Variants in ZNF385B observed in about 807,000 individuals in gnomAD.
The protein encoded by ZNF385B is zinc finger protein 533.
A neutral mutation model predicts 39.2 loss-of-function variants in ZNF385B; 23 were observed. The ratio of observed to expected loss-of-function variants is 0.59; its 90% CI spans 0.42 to 0.83. The LOEUF (loss-of-function observed/expected upper bound fraction) is 0.83, where lower values mean the gene tolerates loss of function less well. Among genes scored for constraint, ZNF385B ranks in the 40% least tolerant of loss-of-function variants. The probability of loss-of-function intolerance (pLI) is 0.00; values close to 1 mark genes in which losing one functional copy is unlikely to be tolerated. For missense variants in ZNF385B, 552 were observed against 598.9 expected (o/e 0.92, Z 0.82); for synonymous variants, 205 against 222.6 (o/e 0.92, Z 0.70).
chr2:179,752,278 G>A (rs891681986), intron 3 of ZNF385B, among the ~76,000 whole-genome samples: 1 of 152,120 alleles, frequency 6.6e-6, no homozygotes, highest in Non-Finnish European at 1.5e-5. Flanking sequence ...CATTTTTTAT[G>A]GCTGCATAGT....
At position 179,556,322 on chromosome 2, in the gene ZNF385B, A is replaced by G. The variant is rs79936638; in HGVS notation, c.299-11353T>C. ...GCGTTGAAAAGTATGAGAATTTAAG[A>G]ATTTAAATAAATTTATGGGGTTAAA... On this transcript the variant is annotated intron_variant, in intron 3 of 9. Coordinates refer to ENST00000410066, the MANE Select transcript of ZNF385B (RefSeq NM_152520.6). Among the ~76,000 whole-genome samples, 491 of 149,908 alleles carry G rather than the reference A, an allele frequency of 3.3e-3. 16 individuals are homozygous for G. In the East Asian group the frequency reaches 0.06, roughly 18 times the overall value.
intron 3 of ZNF385B, among the ~76,000 whole-genome samples, chr2:179,725,586 A>G (rs1700954752): frequency 6.6e-6 from 1 of 151,450 alleles, no homozygotes; most frequent in Non-Finnish European, 1.5e-5. Context: ...TTTGATATGT[A>G]TTCATAATGT....
At chr2:179,815,723 T>G (rs1234649354) in intron 1 of ZNF385B, among the ~76,000 whole-genome samples, 4 of 152,210 alleles carry the variant, frequency 2.6e-5, no homozygotes, top group Non-Finnish European at 5.9e-5. Context: ...CAGTGGTCAA[T>G]TCACAGTCCT....
intron 1 of ZNF385B, among the ~76,000 whole-genome samples, chr2:179,822,292 T>C (rs748858509): frequency 7.9e-5 from 12 of 152,248 alleles, no homozygotes; most frequent in Non-Finnish European, 1.5e-4. Context: ...TTTCTTAAAT[T>C]AGCAGAGCTT....
At chr2:179,512,069 AATTACTTGTGGTATTAATGCT>A (rs1161365868) in intron 5 of ZNF385B, among the ~76,000 whole-genome samples, 1 of 152,136 alleles carries the variant, frequency 6.6e-6, no homozygotes, top group African/African-American at 2.4e-5. Context: ...TCTCATGCTT[AATTACTTGTGGTATTAATGCT>A]GAGTACCAAA....
rs2059832112 is a variant in ZNF385B at position 179,540,275 on chromosome 2, C to T, written c.441+4552G>A. 2.6e-5 allele frequency among the ~76,000 whole-genome samples: 4 copies of T among 152,152 alleles called. No homozygotes were observed. The South Asian group carries it at 8.3e-4, about 32-fold the overall frequency. ...CAGCCTGACCAACATGGAGAAACCC[C>T]ATCTCTACTAAAAATACAAGATTAG... On this transcript the variant is annotated intron_variant, in intron 4 of 9. Transcript: ENST00000410066.
intron 1 of ZNF385B, among the ~76,000 whole-genome samples, chr2:179,776,786 G>A (rs557260410): frequency 2.6e-4 from 39 of 152,252 alleles, no homozygotes; most frequent in African/African-American, 7.9e-4. Context: ...TGTTCAGGGC[G>A]GGAAAACTGA....
chr2:179,496,844 T>A (rs2056268585), intron 5 of ZNF385B, among the ~76,000 whole-genome samples: 1 of 152,186 alleles, frequency 6.6e-6, no homozygotes. Context: ...AGGCCAGGTG[T>A]TCGAGACCAG....
chr2:179,718,347 T>C (rs755967062), intron 3 of ZNF385B, among the ~76,000 whole-genome samples: 2 of 148,420 alleles, frequency 1.3e-5, no homozygotes, highest in Non-Finnish European at 3.0e-5. Context: ...AAGATATATA[T>C]ATAATCATTT....
Position 179,442,962 on chromosome 2 carries a change from A to G in ZNF385B, c.*288T>C, listed in dbSNP as rs866452185. 3 of 510,726 alleles carry G rather than the reference A, an allele frequency of 5.9e-6. No individual in the cohort carries two copies. The highest frequency in any genetic ancestry group is 3.9e-5 in the African/African-American group (2 of 51,862). 31.6% of individuals were successfully genotyped at this position (510,726 alleles called of 1,614,324 possible). The stretch of plus-strand genomic sequence containing the variant: ...CTTTCTTTTTCTTTCTGACCAATAC[A>G]TGCTCAAGAAATCAAATATCTGAGA... On this transcript the variant is annotated 3_prime_UTR_variant, in exon 10 of 10. Coordinates refer to ENST00000410066, the MANE Select transcript of ZNF385B (RefSeq NM_152520.6).
chr2:179,504,727 G>A (rs542717276), intron 5 of ZNF385B, among the ~76,000 whole-genome samples: 6 of 151,790 alleles, frequency 4.0e-5, no homozygotes, highest in Non-Finnish European at 7.4e-5. Flanking sequence ...GTTAATGGGT[G>A]CAGCACACCA....
At chr2:179,837,657 G>A (rs1359650361) in intron 1 of ZNF385B, among the ~76,000 whole-genome samples, 1 of 152,152 alleles carries the variant, frequency 6.6e-6, no homozygotes, top group African/African-American at 2.4e-5. Flanking sequence ...TATTTTGAGG[G>A]TATTCGAGTT....
chr2:179,564,825 A>C (rs1215948494), intron 3 of ZNF385B, among the ~76,000 whole-genome samples: 1 of 152,022 alleles, frequency 6.6e-6, no homozygotes, highest in East Asian at 1.9e-4. Flanking sequence ...TTGGCACCTC[A>C]AGTTCAACTT....
At chr2:179,477,432 C>G (rs1160874225) in intron 6 of ZNF385B, among the ~76,000 whole-genome samples, 1 of 152,140 alleles carries the variant, frequency 6.6e-6, no homozygotes, top group Non-Finnish European at 1.5e-5. Flanking sequence ...TTCAAGGTGT[C>G]TTATCTTCTT....
At chr2:179,591,938 A>G (rs1297311913) in intron 3 of ZNF385B, among the ~76,000 whole-genome samples, 1 of 152,256 alleles carries the variant, frequency 6.6e-6, no homozygotes, top group East Asian at 1.9e-4. Context: ...TTCCTTAGTG[A>G]AAAACAGGCC....
At position 179,446,697 on chromosome 2, in the gene ZNF385B, T is replaced by A; in HGVS notation, c.789A>T (p.Lys263Asn). 6.2e-7 allele frequency: 1 copy of A among 1,614,066 alleles called. No individual in the cohort carries two copies. The highest frequency in any genetic ancestry group is 8.5e-7 in the Non-Finnish European group (1 of 1,179,966). The change falls in exon 7 of 10, where the codon AAA (lysine) becomes AAT (asparagine). Residue 263 changes from lysine to asparagine, a missense_variant. Coordinates refer to ENST00000410066, the MANE Select transcript of ZNF385B (RefSeq NM_152520.6). ...CAGGTGGCAGGGGTGTTGTGCCAGA[T>A]TTGAGGAGAAATGAGCCACTTTCAG... Reference protein sequence around the residue: ...SSSESGSFLLKSGTTPLPPGA... With the variant: ...SSSESGSFLLNSGTTPLPPGA...
chr2:179,493,754 T>TGC (rs2055741774), intron 5 of ZNF385B, among the ~76,000 whole-genome samples: 5 of 137,090 alleles, frequency 3.6e-5, no homozygotes, highest in African/African-American at 1.1e-4. Flanking sequence ...TATGTGTATA[T>TGC]ACATATATGT....
In ZNF385B at chr2:179,725,108, T is replaced by C. The variant is rs779276087; in HGVS notation, c.298+44395A>G. ...AACTACACAACAGTAATTAAACTTATATAATGTATATTTAATTTCACCTAT... is the reference window on the plus strand; with the variant it reads ...AACTACACAACAGTAATTAAACTTACATAATGTATATTTAATTTCACCTAT... On this transcript the variant is annotated intron_variant, in intron 3 of 9. Coordinates refer to ENST00000410066, the MANE Select transcript of ZNF385B (RefSeq NM_152520.6). Among the ~76,000 whole-genome samples the C allele has an allele frequency of 1.4e-4, 22 of 152,208 alleles. 1 individual carries two copies. The highest frequency in any genetic ancestry group is 5.2e-4 in the Admixed American group (8 of 15,296).
At chr2:179,695,039 C>T (rs1698633918) in intron 3 of ZNF385B, among the ~76,000 whole-genome samples, 1 of 151,898 alleles carries the variant, frequency 6.6e-6, no homozygotes, top group Non-Finnish European at 1.5e-5. Context: ...CTCTTCTTAC[C>T]CTCTGATGCA....
Sources: allele counts gnomAD v4.1 joint callset (sites outside exome capture counted in the v4.1 genomes callset), GRCh38; gene constraint gnomAD v4.1.1; transcripts MANE v1.5; gene names NCBI Gene and HGNC (gene_info 2026-07-23, HGNC 2026-07-21).